Variants in MCAT observed in about 807,000 individuals in gnomAD.
The protein encoded by MCAT is malonyl-CoA-acyl carrier protein transacylase, mitochondrial.
In MCAT, 22 loss-of-function variants were observed where a neutral mutation model predicts 22.9. That is an observed-to-expected ratio of 0.96 (90% CI 0.69 to 1.37). The LOEUF is 1.37. Among genes scored for constraint, MCAT ranks in the 40% most tolerant of loss-of-function variants. The pLI, the probability that MCAT is intolerant of heterozygous loss-of-function variation, is 0.00. For missense variants in MCAT, 534 were observed against 533.6 expected (o/e 1.00, Z -0.01); for synonymous variants, 240 against 233.9 (o/e 1.03, Z -0.24).
Position 43,133,310 on chromosome 22 carries a change from G to A in MCAT, c.906C>T (p.His302=), listed in dbSNP as rs773447579. 23 of 1,614,052 alleles carry A rather than the reference G, an allele frequency of 1.4e-5. No homozygotes were observed. Among genetic ancestry groups the A allele is most frequent in the Middle Eastern group, 1.6e-4 (1 of 6,084 alleles). ...GCCCGGGATGCCTGTATCTATGCGC[G>A]TGGACGTTGGAGTAGACAGAAACCA... ...KPLVSVYSNV[H]AHRYRHPGHI... Residue 302 remains histidine, a synonymous_variant, in exon 4 of 4, where the codon CAC becomes CAT. Transcript: ENST00000290429.
At position 43,133,247 on chromosome 22, in the gene MCAT, T is replaced by G; in HGVS notation, c.969A>C (p.Pro323=). 1 of 1,614,154 alleles carries G rather than the reference T, an allele frequency of 6.2e-7. No individual in the cohort carries two copies. Among genetic ancestry groups the G allele is most frequent in the East Asian group, 2.2e-5 (1 of 44,880 alleles). ...CATGCATCGTCTGCTCCCACTTCAC[T>G]GGGGAGACCAGCTGCTGGGCCAGCA... ...HKLLAQQLVS[P]VKWEQTMHAI... Residue 323 remains proline (P), a synonymous_variant, in exon 4 of 4, where the codon CCA becomes CCC. Coordinates refer to ENST00000290429, the MANE Select transcript of MCAT (RefSeq NM_173467.5).
chr22:43,133,184 T>G lies in MCAT; in HGVS notation c.1032A>C (p.Gln344His). ...YERKKGRGFPQTFEVGPGRQL... is the reference protein window; with the variant it reads ...YERKKGRGFPHTFEVGPGRQL... ...GCCTGCCAGGGCCTACTTCGAAAGT[T>G]TGGGGGAACCCCCTGCCCTTTTTCC... The change falls in exon 4 of 4, where the codon CAA (glutamine) becomes CAC (histidine). Residue 344 changes from glutamine to histidine, a missense_variant. By Grantham distance (24) the Gln-to-His change is conservative (BLOSUM62 0). Transcript: ENST00000290429. 6.2e-7 allele frequency: 1 copy of G among 1,614,230 alleles called. No homozygotes were observed. Among genetic ancestry groups the G allele is most frequent in the Non-Finnish European group, 8.5e-7 (1 of 1,180,034 alleles).
chr22:43,136,973 A>G (rs1569472256), intron 3 of MCAT, 108 bp downstream of exon 3: 3 of 912,000 alleles, frequency 3.3e-6, no homozygotes, highest in African/African-American at 3.3e-5. Context: ...CTTCCTAAAG[A>G]CCGGGCTGGA....
At chr22:43,135,153 C>T (rs182643201) in intron 3 of MCAT, among the ~76,000 whole-genome samples, 11 of 152,356 alleles carry the variant, frequency 7.2e-5, no homozygotes, top group Non-Finnish European at 1.3e-4. Context: ...AGGGGCTTCC[C>T]CCCTGAGGGG....
chr22:43,141,942 G>A (rs1275233278), intron 1 of MCAT, among the ~76,000 whole-genome samples: 1 of 152,246 alleles, frequency 6.6e-6, no homozygotes, highest in East Asian at 1.9e-4. Flanking sequence ...GGGCGGATGA[G>A]AGAATTATGT....
At chr22:43,135,347 A>G (rs1397095441) in intron 3 of MCAT, among the ~76,000 whole-genome samples, 2 of 152,186 alleles carry the variant, frequency 1.3e-5, no homozygotes, top group East Asian at 3.9e-4. Flanking sequence ...TAATAAAAAT[A>G]CAAAAAATTA....
chr22:43,141,287 C>T (rs1455849253), intron 1 of MCAT, 38 bp from the exon 2 acceptor site: 2 of 1,557,476 alleles, frequency 1.3e-6, no homozygotes, highest in Non-Finnish European at 1.8e-6. Context: ...CCTCACTCTC[C>T]TGGGGATCCC....
rs1930845096 is a variant in MCAT at position 43,143,395 on chromosome 22, C to A, written c.-47G>T. The A allele has an allele frequency of 7.7e-7, 1 of 1,303,954 alleles. No individual in the cohort carries two copies. Among genetic ancestry groups the A allele is most frequent in the Non-Finnish European group, 9.8e-7 (1 of 1,018,138 alleles). The allele number at this position is 1,303,954 out of a possible 1,614,324, so 80.8% of individuals were successfully genotyped here. A position where few individuals can be genotyped will look rare whatever the true frequency, so the allele number is the denominator to read the frequency against. On this transcript the variant is annotated 5_prime_UTR_variant, in exon 1 of 4. Coordinates refer to ENST00000290429, the MANE Select transcript of MCAT (RefSeq NM_173467.5). ...CGTTACCGTGGCGACCGAGGCCCGA[C>A]TGCGGCGGCGCGGCGCAGCGTGGTC...
intron 1 of MCAT, among the ~76,000 whole-genome samples, chr22:43,142,459 C>G (rs759164191): frequency 4.6e-5 from 7 of 151,424 alleles, no homozygotes; most frequent in African/African-American, 7.3e-5. Flanking sequence ...TGCACTCCAG[C>G]CTGGGTGACA....
intron 3 of MCAT, 140 bp from the exon 4 acceptor site, chr22:43,133,626 C>T: frequency 3.2e-6 from 2 of 628,530 alleles, no homozygotes; most frequent in South Asian, 3.9e-5. Flanking sequence ...CCTGTCTGTC[C>T]CAGCACCATC....
chr22:43,139,148 T>C (rs1312889534), intron 2 of MCAT, among the ~76,000 whole-genome samples: 1 of 152,004 alleles, frequency 6.6e-6, no homozygotes, highest in Admixed American at 6.6e-5. Flanking sequence ...TGACAAGAAG[T>C]AGAAGAAAAC....
chr22:43,141,259 C>G lies in MCAT; in HGVS notation c.424-10G>C. 6.2e-7 allele frequency: 1 copy of G among 1,611,816 alleles called. No homozygotes were observed. Among genetic ancestry groups the G allele is most frequent in the South Asian group, 1.1e-5 (1 of 91,042 alleles). ...CACAGTTCTCAATCACCTGTGGGGACAGATGCAGAACGTGAGCCCTCACTC... is the reference window on the plus strand; with the variant it reads ...CACAGTTCTCAATCACCTGTGGGGAGAGATGCAGAACGTGAGCCCTCACTC... On this transcript the variant is annotated splice_polypyrimidine_tract_variant and intron_variant, in intron 1 of 3. Transcript: ENST00000290429.
At chr22:43,138,523 G>A (rs1319324524) in intron 2 of MCAT, among the ~76,000 whole-genome samples, 1 of 152,174 alleles carries the variant, frequency 6.6e-6, no homozygotes, top group African/African-American at 2.4e-5. Flanking sequence ...GATCACTTGA[G>A]CTCAGGAGTT....
At chr22:43,133,574 T>TG (rs1930520797) in intron 3 of MCAT, 88 bp from the exon 4 acceptor site, 2 of 1,035,742 alleles carry the variant, frequency 1.9e-6, no homozygotes, top group Non-Finnish European at 2.8e-6. Context: ...ACTGGGAGGG[T>TG]GACCACAAAG....
rs982686727 is a variant in MCAT at position 43,133,108 on chromosome 22, T to C, written c.1108A>G (p.Ser370Gly). ...SCNMQAWKSY[S>G]AVDVLQTLEH... ...AGGGTCTGCAGCACATCCACGGCGC[T>C]GTAGGACTTCCAGGCCTGCATGTTA... Residue 370 changes from serine (S) to glycine (G), a missense_variant, in exon 4 of 4, where the codon AGC becomes GGC. Ser to Gly is a moderately conservative substitution (Grantham distance 56). Transcript: ENST00000290429. 4.3e-6 allele frequency: 7 copies of C among 1,614,052 alleles called. No individual in the cohort carries two copies. The African/African-American group carries it at 8.0e-5, about 18-fold the overall frequency.
At chr22:43,134,017 C>T (rs778891706) in intron 3 of MCAT, among the ~76,000 whole-genome samples, 20 of 152,134 alleles carry the variant, frequency 1.3e-4, no homozygotes, top group South Asian at 4.2e-4. Context: ...CCACCCTCTT[C>T]GGCCTCCCAA....
At chr22:43,138,552 C>T (rs1449771832) in intron 2 of MCAT, among the ~76,000 whole-genome samples, 1 of 152,152 alleles carries the variant, frequency 6.6e-6, no homozygotes, top group East Asian at 1.9e-4. Flanking sequence ...GACTAGACAA[C>T]ATGGTAAAAC....
chr22:43,138,487 G>A (rs1930683341), intron 2 of MCAT, among the ~76,000 whole-genome samples: 2 of 151,854 alleles, frequency 1.3e-5, no homozygotes, highest in African/African-American at 2.4e-5. Context: ...CTGTAGTTCC[G>A]GCACTTTGGG....
intron 2 of MCAT, among the ~76,000 whole-genome samples, chr22:43,138,208 G>A (rs917956551): frequency 1.3e-5 from 2 of 152,104 alleles, no homozygotes; most frequent in Non-Finnish European, 2.9e-5. Flanking sequence ...ACACCAGCCT[G>A]GTGACAGAGC....
Sources: gnomAD v4.1 joint callset for allele counts (sites outside exome capture counted in the v4.1 genomes callset) on GRCh38, gnomAD v4.1.1 for gene constraint, MANE v1.5 for transcripts, NCBI Gene and HGNC (gene_info 2026-07-23, HGNC 2026-07-21) for gene names.